The following AGAP1 variants were observed in gnomAD, a reference collection of about 807,000 sequenced individuals.
The protein encoded by AGAP1 is ArfGAP with GTPase domain, ankyrin repeat and PH domain 1, also known as arf-GAP with GTPase, ANK repeat and PH domain-containing protein 1.
In AGAP1, 29 loss-of-function variants were observed where a neutral mutation model predicts 105.3. The observed-to-expected ratio is 0.28, with a 90% CI of 0.21 to 0.38. The LOEUF is 0.38. Among genes scored for constraint, AGAP1 ranks in the 10% least tolerant of loss-of-function variants. AGAP1 has a pLI of 1.00. For missense variants in AGAP1, 998 were observed against 1,165.1 expected (o/e 0.86, Z 2.09); for synonymous variants, 509 against 485.9 (o/e 1.05, Z -0.63).
intron 13 of AGAP1, among the ~76,000 whole-genome samples, chr2:235,972,958 T>A (rs1164470168): frequency 6.6e-6 from 1 of 152,062 alleles, no homozygotes; most frequent in African/African-American, 2.4e-5. Context: ...CCCAGCTGTG[T>A]GCGACAAGGA....
chr2:235,988,289 T>A lies in AGAP1; in HGVS notation c.1645+19666T>A, dbSNP rs1559728684. Among the ~76,000 whole-genome samples the A allele has an allele frequency of 6.6e-6, 1 of 152,178 alleles. No homozygotes were observed. Among genetic ancestry groups the A allele is most frequent in the Non-Finnish European group, 1.5e-5 (1 of 68,036 alleles). ...AACTCCTGACTTCAGGTGATCCACCTGCCTCGGCCTCCCAAAGTGGTAGGA... is the reference window on the plus strand; with the variant it reads ...AACTCCTGACTTCAGGTGATCCACCAGCCTCGGCCTCCCAAAGTGGTAGGA... On this transcript the variant is annotated intron_variant, in intron 13 of 17. Transcript: ENST00000304032. The surrounding 1 kb of genome is among the most constrained non-coding windows in gnomAD (Gnocchi z 4.7).
At chr2:235,702,848 C>G (rs1950320784) in intron 1 of AGAP1, among the ~76,000 whole-genome samples, 1 of 151,334 alleles carries the variant, frequency 6.6e-6, no homozygotes, top group Non-Finnish European at 1.5e-5. Flanking sequence ...TATAAATTGA[C>G]CTGGGATGAA....
intron 9 of AGAP1, among the ~76,000 whole-genome samples, chr2:235,829,054 A>G (rs1233395115): frequency 6.6e-6 from 1 of 151,344 alleles, no homozygotes; most frequent in African/African-American, 2.4e-5. Flanking sequence ...TTGTCTTTCA[A>G]CATTTGGGCT....
rs1418606570 is a variant in AGAP1, at chr2:235,702,705, A to G, written c.164-6474A>G. Among the ~76,000 whole-genome samples the G allele has an allele frequency of 2.0e-5, 3 of 152,148 alleles. No homozygotes were observed. The East Asian group carries it at 5.8e-4, about 29-fold the overall frequency. On this transcript the variant is annotated intron_variant, in intron 1 of 17. Coordinates refer to ENST00000304032, the MANE Select transcript of AGAP1 (RefSeq NM_001037131.3). Reference sequence around the variant, plus strand: ...CCCACTGTGAAATTGCCACTATTCAAACATATTTGACCATATTTGTGCCTC... The same window carrying G: ...CCCACTGTGAAATTGCCACTATTCAGACATATTTGACCATATTTGTGCCTC...
rs1170563875 is a variant in AGAP1, at chr2:235,994,010, T to TG, written c.1645+25388dup. 6.6e-6 allele frequency among the ~76,000 whole-genome samples: 1 copy of TG among 152,122 alleles called. No individual in the cohort carries two copies. The highest frequency in any genetic ancestry group is 1.5e-5 in the Non-Finnish European group (1 of 68,020). On this transcript the variant is annotated intron_variant, in intron 13 of 17. Coordinates refer to ENST00000304032, the MANE Select transcript of AGAP1 (RefSeq NM_001037131.3). The surrounding 1 kb of genome is among the most constrained non-coding windows in gnomAD (Gnocchi z 4.4). ...TTTTTTTAGCTTGGGAAAGTTACGA[T>TG]GACCCATAAGCCTGCTCCACAGGAT...
rs945446575 is a variant in AGAP1 at position 235,864,440 on chromosome 2, G to A, written c.1051-18905G>A. Among the ~76,000 whole-genome samples the A allele has an allele frequency of 1.3e-5, 2 of 152,186 alleles. No homozygotes were observed. The highest frequency in any genetic ancestry group is 2.4e-5 in the African/African-American group (1 of 41,438). ...GTAAGTGCCCGTTGGTTTTGTTTGCGGTTCTGGCCTCCAGGGCGGTCTGGG... is the reference window on the plus strand; with the variant it reads ...GTAAGTGCCCGTTGGTTTTGTTTGCAGTTCTGGCCTCCAGGGCGGTCTGGG... On this transcript the variant is annotated intron_variant, in intron 9 of 17. Coordinates refer to ENST00000304032, the MANE Select transcript of AGAP1 (RefSeq NM_001037131.3). The surrounding 1 kb of genome is among the most constrained non-coding windows in gnomAD (Gnocchi z 5.0).
chr2:236,035,897 C>T lies in AGAP1; in HGVS notation c.1646-664C>T, dbSNP rs2057365059. 6.6e-6 allele frequency among the ~76,000 whole-genome samples: 1 copy of T among 152,052 alleles called. No individual in the cohort carries two copies. The highest frequency in any genetic ancestry group is 2.4e-5 in the African/African-American group (1 of 41,402). On this transcript the variant is annotated intron_variant, in intron 13 of 17. Transcript: ENST00000304032. The surrounding 1 kb of genome is among the most constrained non-coding windows in gnomAD (Gnocchi z 4.2). The stretch of plus-strand genomic sequence containing the variant: ...CCTCAGGGGAGTCCAGGAACTTGCC[C>T]AAAGACTTAGATGTGGCAGGTGGGG...
rs530529650 is a variant in AGAP1 at position 235,633,076 on chromosome 2, G to A, written c.164-76103G>A. Among the ~76,000 whole-genome samples the A allele has an allele frequency of 6.6e-6, 1 of 152,178 alleles. No individual in the cohort carries two copies. Among genetic ancestry groups the A allele is most frequent in the African/African-American group, 2.4e-5 (1 of 41,516 alleles). On this transcript the variant is annotated intron_variant, in intron 1 of 17. Transcript: ENST00000304032. The surrounding 1 kb of genome is among the most constrained non-coding windows in gnomAD (Gnocchi z 4.8). ...TCTGCTTTTGCTTGAACTTCTAGCGGCAGAAAGGGGGTGATCCCTTTCTTC... is the reference window on the plus strand; with the variant it reads ...TCTGCTTTTGCTTGAACTTCTAGCGACAGAAAGGGGGTGATCCCTTTCTTC...
rs182526040 is a variant in AGAP1 at position 235,645,794 on chromosome 2, A to G, written c.164-63385A>G. 1.4e-3 allele frequency among the ~76,000 whole-genome samples: 213 copies of G among 152,322 alleles called. 1 individual carries two copies. The highest frequency in any genetic ancestry group is 4.8e-3 in the African/African-American group (198 of 41,584). ...TGCTACCTGTTTCTTGTGTTAAATC[A>G]GAATTTATAGGAAGGTGATTTTTTA... On this transcript the variant is annotated intron_variant, in intron 1 of 17. Coordinates refer to ENST00000304032, the MANE Select transcript of AGAP1 (RefSeq NM_001037131.3).
At position 236,000,250 on chromosome 2, in the gene AGAP1, A is replaced by G. The variant is rs2056058419; in HGVS notation, c.1645+31627A>G. ...ATAGGTTCTTAAAACTTCGACTTGA[A>G]GCGAAAGGACTTATAATGAAGCCAG... On this transcript the variant is annotated intron_variant, in intron 13 of 17. Coordinates refer to ENST00000304032, the MANE Select transcript of AGAP1 (RefSeq NM_001037131.3). This position sits in a 1 kb window ranked among gnomAD's most constrained non-coding sequence, Gnocchi z 4.3. Among the ~76,000 whole-genome samples, 1 of 152,196 alleles carries G rather than the reference A, an allele frequency of 6.6e-6. No homozygotes were observed. The highest frequency in any genetic ancestry group is 1.9e-4 in the East Asian group (1 of 5,188).
At chr2:235,943,883 A>G (rs1459175807) in intron 12 of AGAP1, among the ~76,000 whole-genome samples, 2 of 152,194 alleles carry the variant, frequency 1.3e-5, no homozygotes, top group East Asian at 1.9e-4. Context: ...ACTTCTTTCA[A>G]TGAATATATC....
intron 10 of AGAP1, among the ~76,000 whole-genome samples, chr2:235,895,899 TAAA>T (rs896542042): frequency 6.6e-6 from 1 of 152,204 alleles, no homozygotes. Context: ...TGCTGCAACT[TAAA>T]GAAGGATCTT....
At position 236,121,877 on chromosome 2, in the gene AGAP1, G is replaced by A. The variant is rs1344306470; in HGVS notation, c.2370+1430G>A. Among the ~76,000 whole-genome samples, 2 of 152,152 alleles carry A rather than the reference G, an allele frequency of 1.3e-5. No homozygotes were observed. The highest frequency in any genetic ancestry group is 2.4e-5 in the African/African-American group (1 of 41,438). ...CCTGGCGAGGCCTCTCTCACGGCTG[G>A]TAGACGGCCGCCCTCTCCCTATGTT... On this transcript the variant is annotated intron_variant, in intron 17 of 17. Transcript: ENST00000304032. The surrounding 1 kb of genome is among the most constrained non-coding windows in gnomAD (Gnocchi z 4.9).
chr2:235,774,056 A>G (rs1955669481), intron 6 of AGAP1: 1 of 440,152 alleles, frequency 2.3e-6, no homozygotes, highest in East Asian at 7.1e-5. Flanking sequence ...ACGATGAACA[A>G]AAGTTAAATT....
In AGAP1 at chr2:235,927,834, C is replaced by T. The variant is rs191018413; in HGVS notation, c.1325-2931C>T. On this transcript the variant is annotated intron_variant, in intron 11 of 17. Coordinates refer to ENST00000304032, the MANE Select transcript of AGAP1 (RefSeq NM_001037131.3). The surrounding 1 kb of genome is among the most constrained non-coding windows in gnomAD (Gnocchi z 4.4). ...TGAGTGCCATGTTGTCATCGTTGTC[C>T]CAAAGATGGAGGGACAGACAGACAC... Among the ~76,000 whole-genome samples, 703 of 152,222 alleles carry T rather than the reference C, an allele frequency of 4.6e-3. 2 individuals carry two copies. The highest frequency in any genetic ancestry group is 8.2e-3 in the Non-Finnish European group (557 of 68,020).
At position 235,802,748 on chromosome 2, in the gene AGAP1, G is replaced by GTGGTGA. The variant is rs1247048840; in HGVS notation, c.957+3231_957+3236dup. ...TGTGATGGTGATGGTTGTGATGGTGGTGGTGATGGTTGTGGTTGTGATGAT... is the reference window on the plus strand; with the variant it reads ...TGTGATGGTGATGGTTGTGATGGTGGTGGTGATGGTGATGGTTGTGGTTGTGATGAT... On this transcript the variant is annotated intron_variant, in intron 8 of 17. Coordinates refer to ENST00000304032, the MANE Select transcript of AGAP1 (RefSeq NM_001037131.3). Among the ~76,000 whole-genome samples, 3 of 150,294 alleles carry GTGGTGA rather than the reference G, an allele frequency of 2.0e-5. No individual in the cohort carries two copies. The South Asian group carries it at 6.4e-4, about 32-fold the overall frequency.
chr2:235,527,806 A>G (rs566855226), intron 1 of AGAP1, among the ~76,000 whole-genome samples: 2 of 152,336 alleles, frequency 1.3e-5, no homozygotes, highest in South Asian at 4.1e-4. Context: ...TGTGTCTGTC[A>G]TTACAGATGT....
rs1433725875 is a variant in AGAP1 at position 235,663,467 on chromosome 2, A to C, written c.164-45712A>C. Among the ~76,000 whole-genome samples, 1 of 152,198 alleles carries C rather than the reference A, an allele frequency of 6.6e-6. No homozygotes were observed. The highest frequency in any genetic ancestry group is 1.5e-5 in the Non-Finnish European group (1 of 68,034). On this transcript the variant is annotated intron_variant, in intron 1 of 17. Transcript: ENST00000304032. The surrounding 1 kb of genome is among the most constrained non-coding windows in gnomAD (Gnocchi z 5.4). ...CAAGTCCCCTGGGCACAGATAAAAG[A>C]GTTTTCAGATATCTCTGCAGCCAAA...
chr2:235,705,169 A>G lies in AGAP1; in HGVS notation c.164-4010A>G, dbSNP rs1441055329. ...AATTTTTGTATTTTTAGTAGAGACGAGGTTTCGCCATGTTGGCCAGGCTGG... is the reference window on the plus strand; with the variant it reads ...AATTTTTGTATTTTTAGTAGAGACGGGGTTTCGCCATGTTGGCCAGGCTGG... On this transcript the variant is annotated intron_variant, in intron 1 of 17. Coordinates refer to ENST00000304032, the MANE Select transcript of AGAP1 (RefSeq NM_001037131.3). This position sits in a 1 kb window ranked among gnomAD's most constrained non-coding sequence, Gnocchi z 4.9. Among the ~76,000 whole-genome samples the G allele has an allele frequency of 6.6e-6, 1 of 151,514 alleles. No homozygotes were observed. The highest frequency in any genetic ancestry group is 1.5e-5 in the Non-Finnish European group (1 of 67,858).
Sources: gnomAD v4.1 joint callset for allele counts (sites outside exome capture counted in the v4.1 genomes callset) on GRCh38, gnomAD v4.1.1 for gene constraint, Gnocchi (gnomAD v3.1) non-coding constraint, MANE v1.5 for transcripts, NCBI Gene and HGNC (gene_info 2026-07-23, HGNC 2026-07-21) for gene names.